Variants in SUSD1 observed in about 807,000 individuals in gnomAD.
SUSD1 encodes sushi domain containing 1, also known as sushi domain-containing protein 1.
SUSD1 carries 65 observed loss-of-function variants against 86.9 expected under a neutral mutation model. That is an observed-to-expected ratio of 0.75 (90% CI 0.61 to 0.92). The LOEUF is 0.92. Ranked by LOEUF, SUSD1 falls within the 40% of genes least tolerant of loss-of-function variation. SUSD1 has a pLI of 0.00. For synonymous variants in SUSD1, 346 were observed against 350.0 expected, an observed-to-expected ratio of 0.99 and a Z score of 0.13; for missense variants, 850 against 929.7, an observed-to-expected ratio of 0.91 and a Z score of 1.11.
At position 112,041,359 on chromosome 9, in the gene SUSD1, G is replaced by C. The variant is rs1827725837; in HGVS notation, c.*133C>G. 6.7e-6 allele frequency: 5 copies of C among 743,144 alleles called. No homozygotes were observed. Among genetic ancestry groups the C allele is most frequent in the Non-Finnish European group, 1.2e-5 (5 of 401,138 alleles). The allele number at this position is 743,144 out of a possible 1,614,324, so 46.0% of individuals were successfully genotyped here. A position where few individuals can be genotyped will look rare whatever the true frequency, so the allele number is the denominator to read the frequency against. On this transcript the variant is annotated 3_prime_UTR_variant, in exon 17 of 17. Transcript: ENST00000374270. Reference sequence around the variant, plus strand: ...TAAATCCAGGAATGGGGCCCAGCTGGGAATGGAGAAAGTTGCAGGCCCACA... The same window carrying C: ...TAAATCCAGGAATGGGGCCCAGCTGCGAATGGAGAAAGTTGCAGGCCCACA...
chr9:112,149,892 T>C (rs1589728865), intron 2 of SUSD1, among the ~76,000 whole-genome samples: 2 of 152,310 alleles, frequency 1.3e-5, no homozygotes, highest in South Asian at 2.1e-4. Flanking sequence ...GCAGGGCTAA[T>C]GCAGAAGCAG....
At chr9:112,115,583 T>G (rs527494511) in intron 6 of SUSD1, among the ~76,000 whole-genome samples, 1 of 151,954 alleles carries the variant, frequency 6.6e-6, no homozygotes, top group Non-Finnish European at 1.5e-5. Flanking sequence ...GAGATGGGCA[T>G]ATCACTTGAG....
At chr9:112,144,762 G>C (rs572758661) in intron 3 of SUSD1, among the ~76,000 whole-genome samples, 5 of 152,268 alleles carry the variant, frequency 3.3e-5, no homozygotes, top group African/African-American at 9.6e-5. Context: ...TTATGAAAAT[G>C]AGACAGCCTT....
chr9:112,142,538 T>C (rs1279340077), intron 4 of SUSD1, 39 bp from the exon 5 acceptor site: 2 of 1,590,472 alleles, frequency 1.3e-6, no homozygotes, highest in Admixed American at 1.8e-5. Flanking sequence ...ACCTCGTGAA[T>C]GTAAATCTTC....
At chr9:112,067,903 G>T (rs1453940912) in intron 12 of SUSD1, among the ~76,000 whole-genome samples, 3 of 152,104 alleles carry the variant, frequency 2.0e-5, no homozygotes, top group African/African-American at 7.2e-5. Flanking sequence ...TACCAGATTA[G>T]AAAATAGCTT....
At chr9:112,148,903 C>G (rs570595875) in intron 3 of SUSD1, among the ~76,000 whole-genome samples, 12 of 136,544 alleles carry the variant, frequency 8.8e-5, no homozygotes, top group Admixed American at 4.3e-4. Context: ...GAGACCCCCC[C>G]CTTAAAAAAA....
chr9:112,052,536 CA>C, intron 14 of SUSD1, 98 bp from the exon 15 acceptor site: 1 of 1,368,278 alleles, frequency 7.3e-7, no homozygotes, highest in Non-Finnish European at 1.0e-6. Context: ...TCAGCTTTTT[CA>C]ATCTCTTAAT....
chr9:112,172,178 G>T (rs868469009), intron 1 of SUSD1, among the ~76,000 whole-genome samples: 2 of 141,496 alleles, frequency 1.4e-5, no homozygotes, highest in Non-Finnish European at 3.0e-5. Flanking sequence ...CAGCCTGGGC[G>T]ACAGAGTGAG....
rs1400473060 is a variant in SUSD1 at position 112,149,263 on chromosome 9, G to A, written c.354C>T (p.Asn118=). Residue 118 remains asparagine (N), a synonymous_variant, in exon 3 of 17, where the codon AAC becomes AAT. Transcript: ENST00000374270. ...ATNNNKTFIP[N]DGTFCTDIDE... ...GAGTACCTGTACAAAAGGTGCCATC[G>A]TTGGGAATGAATGTCTTGTTGTTGT... 9.9e-6 allele frequency: 16 copies of A among 1,614,032 alleles called. No individual in the cohort carries two copies. The highest frequency in any genetic ancestry group is 3.3e-5 in the South Asian group (3 of 91,084).
At chr9:112,130,500 G>A (rs547098132) in intron 5 of SUSD1, among the ~76,000 whole-genome samples, 1 of 143,370 alleles carries the variant, frequency 7.0e-6, no homozygotes, top group Non-Finnish European at 1.5e-5. Context: ...GAGAGGAGAA[G>A]GAAAGGAGAG....
intron 16 of SUSD1, among the ~76,000 whole-genome samples, 163 bp downstream of exon 16, chr9:112,041,704 A>G (rs1056272573): frequency 6.6e-6 from 1 of 152,150 alleles, no homozygotes; most frequent in Admixed American, 6.5e-5. Flanking sequence ...ACCTGGAGGT[A>G]CAGGGTTAGT....
chr9:112,100,379 G>A (rs920490769), intron 9 of SUSD1, among the ~76,000 whole-genome samples: 15 of 151,812 alleles, frequency 9.9e-5, no homozygotes, highest in Non-Finnish European at 1.9e-4. Context: ...GTAGAGATGG[G>A]GTTTCACCGT....
chr9:112,109,554 C>T (rs1011723269), intron 8 of SUSD1, among the ~76,000 whole-genome samples: 1 of 152,166 alleles, frequency 6.6e-6, no homozygotes, highest in Non-Finnish European at 1.5e-5. Flanking sequence ...AGTCCAGAGA[C>T]ATTAAATAAC....
chr9:112,120,193 G>C (rs368667728), intron 6 of SUSD1, among the ~76,000 whole-genome samples: 29 of 152,288 alleles, frequency 1.9e-4, no homozygotes, highest in African/African-American at 6.7e-4. Flanking sequence ...TGTAGTCCCA[G>C]CTGCTTGGGA....
At chr9:112,169,491 G>C (rs1833951195) in intron 1 of SUSD1, 2 of 151,932 alleles carry the variant, frequency 1.3e-5, no homozygotes, top group Admixed American at 6.6e-5. Context: ...TCACTTTCTG[G>C]TGTGACCAAG....
chr9:112,058,202 G>A (rs1828536672), intron 14 of SUSD1, among the ~76,000 whole-genome samples: 1 of 152,038 alleles, frequency 6.6e-6, no homozygotes, highest in Admixed American at 6.6e-5. Flanking sequence ...AACAAAACCA[G>A]GTCAGTCCAA....
At chr9:112,135,866 T>A (rs1438059796) in intron 5 of SUSD1, among the ~76,000 whole-genome samples, 1 of 152,232 alleles carries the variant, frequency 6.6e-6, no homozygotes, top group Non-Finnish European at 1.5e-5. Flanking sequence ...CTCTAAGGGA[T>A]GAACACCATT....
At chr9:112,101,546 C>A (rs572674621) in intron 9 of SUSD1, among the ~76,000 whole-genome samples, 1 of 151,928 alleles carries the variant, frequency 6.6e-6, no homozygotes, top group East Asian at 1.9e-4. Context: ...CCAAAGAGTT[C>A]CTTAAAATTC....
intron 10 of SUSD1, among the ~76,000 whole-genome samples, chr9:112,089,479 A>C (rs1036359781): frequency 6.6e-6 from 1 of 152,176 alleles, no homozygotes; most frequent in Non-Finnish European, 1.5e-5. Context: ...TAGTACAACC[A>C]CCTTTGTAAA....
Sources: gnomAD v4.1 joint callset for allele counts (sites outside exome capture counted in the v4.1 genomes callset) on GRCh38, gnomAD v4.1.1 for gene constraint, MANE v1.5 for transcripts, NCBI Gene and HGNC (gene_info 2026-07-23, HGNC 2026-07-21) for gene names.